Variants in SEMA5A observed in about 807,000 individuals in gnomAD.
SEMA5A encodes the protein semaphorin 5A.
SEMA5A carries 55 observed loss-of-function variants against 135.5 expected under a neutral mutation model. That is an observed-to-expected ratio of 0.41 (90% confidence interval 0.33 to 0.51). SEMA5A has a LOEUF of 0.51. Among genes scored for constraint, SEMA5A ranks in the 20% least tolerant of loss-of-function variants. The pLI, the probability that SEMA5A is intolerant of heterozygous loss-of-function variation, is 0.37. For synonymous variants in SEMA5A, 580 were observed against 546.5 expected (o/e 1.06, Z -0.85); for missense variants, 1,290 against 1,419.9 (o/e 0.91, Z 1.47).
In SEMA5A at chr5:9,038,566, T is replaced by C. The variant is rs1735776730; in HGVS notation, c.*4331A>G. ...ACACTGCAAATAAGCAAATGAATAT[T>C]TGTAAATTCAAATGCTAACAAGGCT... is the stretch of plus-strand genomic sequence containing the variant. On this transcript the variant is annotated 3_prime_UTR_variant, in exon 23 of 23. Transcript: ENST00000382496. 1 of 152,146 alleles carries C rather than the reference T, an allele frequency of 6.6e-6. No homozygotes were observed. Among genetic ancestry groups the C allele is most frequent in the Admixed American group, 6.6e-5 (1 of 15,260 alleles). The allele number at this position is 152,146 out of a possible 1,614,324, so 9.4% of individuals were successfully genotyped here.
intron 11 of SEMA5A, among the ~76,000 whole-genome samples, chr5:9,158,066 G>A (rs187998317): frequency 6.6e-5 from 10 of 152,342 alleles, no homozygotes; most frequent in African/African-American, 2.2e-4. Flanking sequence ...TGCTATTAGG[G>A]CCAGTAGAGA....
intron 1 of SEMA5A, among the ~76,000 whole-genome samples, chr5:9,462,181 T>A (rs1056607076): frequency 6.6e-6 from 1 of 152,162 alleles, no homozygotes; most frequent in Non-Finnish European, 1.5e-5. Context: ...GAGCACACTT[T>A]TTAAAAGAAG....
intron 1 of SEMA5A, among the ~76,000 whole-genome samples, chr5:9,462,780 A>G (rs1759104804): frequency 6.6e-6 from 1 of 152,172 alleles, no homozygotes; most frequent in Admixed American, 6.5e-5. Flanking sequence ...AATAGTGAGA[A>G]CACATGGACA....
intron 4 of SEMA5A, among the ~76,000 whole-genome samples, chr5:9,335,849 C>T (rs574764689): frequency 5.1e-4 from 78 of 152,284 alleles, no homozygotes; most frequent in Middle Eastern, 3.4e-3. Context: ...CAACAGGTAT[C>T]TTTGAGCTTC....
chr5:9,161,776 C>A (rs1298738982), intron 11 of SEMA5A, among the ~76,000 whole-genome samples: 3 of 152,236 alleles, frequency 2.0e-5, no homozygotes, highest in Non-Finnish European at 4.4e-5. Context: ...ACATATTGAA[C>A]CTTGCCCTAT....
chr5:9,190,228 G>A (rs1296110643), intron 11 of SEMA5A, 39 bp downstream of exon 11: 4 of 1,583,038 alleles, frequency 2.5e-6, no homozygotes, highest in Non-Finnish European at 3.5e-6. Context: ...AAAATCAGAA[G>A]ATGGTAGAAA....
chr5:9,216,367 G>T (rs1034501499), intron 8 of SEMA5A, among the ~76,000 whole-genome samples: 1 of 152,068 alleles, frequency 6.6e-6, no homozygotes, highest in African/African-American at 2.4e-5. Context: ...GTATGGTTTT[G>T]GTTCTTTTGC....
chr5:9,223,189 AC>A (rs1047548677), intron 8 of SEMA5A, among the ~76,000 whole-genome samples: 3 of 152,214 alleles, frequency 2.0e-5, no homozygotes, highest in African/African-American at 7.2e-5. Flanking sequence ...GTTTGGGAAA[AC>A]AATTCATGTT....
intron 2 of SEMA5A, among the ~76,000 whole-genome samples, chr5:9,413,205 A>G (rs1259667684): frequency 6.6e-6 from 1 of 152,214 alleles, no homozygotes; most frequent in African/African-American, 2.4e-5. Context: ...AGTGGCCAAA[A>G]ACATTTCTCA....
intron 6 of SEMA5A, among the ~76,000 whole-genome samples, chr5:9,235,816 A>G (rs1301860624): frequency 2.6e-5 from 4 of 152,218 alleles, no homozygotes; most frequent in Non-Finnish European, 4.4e-5. Flanking sequence ...GAAAGAGTTG[A>G]GAAAAAGCAA....
intron 1 of SEMA5A, among the ~76,000 whole-genome samples, chr5:9,488,914 AC>A (rs1472208318): frequency 6.6e-6 from 1 of 152,138 alleles, no homozygotes; most frequent in Non-Finnish European, 1.5e-5. Flanking sequence ...TTAAGTCAAC[AC>A]CATCTTCTTC....
At chr5:9,304,050 T>C (rs1178812230) in intron 5 of SEMA5A, among the ~76,000 whole-genome samples, 1 of 152,136 alleles carries the variant, frequency 6.6e-6, no homozygotes, top group East Asian at 1.9e-4. Context: ...AAGTAGACTG[T>C]GGTGTTTATG....
intron 1 of SEMA5A, among the ~76,000 whole-genome samples, chr5:9,480,159 A>G (rs1759821925): frequency 6.6e-6 from 1 of 152,178 alleles, no homozygotes; most frequent in Non-Finnish European, 1.5e-5. Flanking sequence ...GCAAGTTGTG[A>G]CAACTAAACC....
chr5:9,162,591 C>CATATATATATATGTATATATAT (rs1553995478), intron 11 of SEMA5A, among the ~76,000 whole-genome samples: 1 of 107,212 alleles, frequency 9.3e-6, no homozygotes, highest in African/African-American at 4.2e-5. Flanking sequence ...TATATACACA[C>CATATATATATATGTATATATAT]ACACACACAA....
intron 5 of SEMA5A, among the ~76,000 whole-genome samples, chr5:9,276,782 C>A (rs1188873425): frequency 1.3e-5 from 2 of 152,088 alleles, no homozygotes; most frequent in Non-Finnish European, 1.5e-5. Flanking sequence ...AAACTGGATC[C>A]CTTCCTTACA....
At chr5:9,365,975 C>T (rs1379470671) in intron 3 of SEMA5A, among the ~76,000 whole-genome samples, 1 of 152,178 alleles carries the variant, frequency 6.6e-6, no homozygotes. Flanking sequence ...ACTGCTTACT[C>T]TTTGCATCTA....
At chr5:9,163,585 G>A (rs1743417022) in intron 11 of SEMA5A, among the ~76,000 whole-genome samples, 1 of 152,152 alleles carries the variant, frequency 6.6e-6, no homozygotes, top group South Asian at 2.1e-4. Flanking sequence ...CTTATACTAA[G>A]ATAGAGTCTG....
chr5:9,306,141 T>C (rs954497574), intron 5 of SEMA5A, among the ~76,000 whole-genome samples: 29 of 152,342 alleles, frequency 1.9e-4, no homozygotes, highest in African/African-American at 7.0e-4. Context: ...ATCTATTGTA[T>C]TTGAGGTTTG....
chr5:9,172,194 A>AT (rs1743961478), intron 11 of SEMA5A, among the ~76,000 whole-genome samples: 1 of 152,194 alleles, frequency 6.6e-6, no homozygotes, highest in Non-Finnish European at 1.5e-5. Flanking sequence ...ACAACTGGCT[A>AT]TTATCCAATC....
Sources: gnomAD v4.1 joint callset for allele counts (sites outside exome capture counted in the v4.1 genomes callset) on GRCh38, gnomAD v4.1.1 for gene constraint, MANE v1.5 for transcripts, NCBI Gene and HGNC (gene_info 2026-07-23, HGNC 2026-07-21) for gene names.